CNTN5: variants seen among roughly 807,000 people sequenced by gnomAD.
The protein encoded by CNTN5 is contactin-5.
Under a neutral mutation model 129.1 loss-of-function variants are expected in CNTN5, and 77 were observed. The observed-to-expected ratio is 0.60, with a 90% CI of 0.50 to 0.72. The LOEUF is 0.72. CNTN5 is among the 30% of genes least tolerant of loss of function. The pLI is 0.00. For missense variants in CNTN5, 1,478 were observed against 1,328.8 expected (o/e 1.11, Z -1.75); for synonymous variants, 509 against 465.6 (o/e 1.09, Z -1.20).
At chr11:100,348,596 C>T (rs932698894) in intron 23 of CNTN5, among the ~76,000 whole-genome samples, 2 of 151,914 alleles carry the variant, frequency 1.3e-5, no homozygotes, top group African/African-American at 4.8e-5. Context: ...ATAATCACTC[C>T]CCTGCCAATC....
At chr11:99,729,102 A>G (rs2135083658) in intron 3 of CNTN5, among the ~76,000 whole-genome samples, 1 of 152,314 alleles carries the variant, frequency 6.6e-6, no homozygotes, top group South Asian at 2.1e-4. Flanking sequence ...TCTCTATTGC[A>G]GTAGAAAGAT....
At chr11:99,753,987 C>CA (rs202219500) in intron 3 of CNTN5, among the ~76,000 whole-genome samples, 21,888 of 124,926 alleles carry the variant, frequency 0.18, 1,778 homozygotes, top group South Asian at 0.2. Context: ...GGCACCCTGC[C>CA]AAAAAAAAAA....
chr11:99,237,569 T>C (rs1263533628), intron 1 of CNTN5, among the ~76,000 whole-genome samples: 2 of 151,922 alleles, frequency 1.3e-5, no homozygotes, highest in Admixed American at 6.6e-5. Flanking sequence ...TAGTCCCAGG[T>C]ACTCAGGAGG....
intron 3 of CNTN5, among the ~76,000 whole-genome samples, chr11:99,601,167 A>C (rs1950300493): frequency 6.6e-6 from 1 of 152,154 alleles, no homozygotes; most frequent in Admixed American, 6.5e-5. Flanking sequence ...CTCTCTATAA[A>C]TTATTTCCAA....
At chr11:100,161,081 G>T (rs2138360186) in intron 13 of CNTN5, among the ~76,000 whole-genome samples, 1 of 152,000 alleles carries the variant, frequency 6.6e-6, no homozygotes, top group Admixed American at 6.6e-5. Context: ...TCATGCAATT[G>T]TGTAAAGAAC....
At chr11:99,157,211 G>A (rs553801328) in intron 1 of CNTN5, among the ~76,000 whole-genome samples, 100 of 152,076 alleles carry the variant, frequency 6.6e-4, no homozygotes, top group African/African-American at 2.3e-3. Flanking sequence ...CTTCAAGATA[G>A]AGAAGTATTT....
intron 2 of CNTN5, among the ~76,000 whole-genome samples, chr11:99,325,947 G>T (rs1865771439): frequency 6.6e-6 from 1 of 152,158 alleles, no homozygotes; most frequent in Non-Finnish European, 1.5e-5. Context: ...GGAAGTCATG[G>T]GTGGAGAGAG....
chr11:99,142,434 C>T (rs1859568249), intron 1 of CNTN5, among the ~76,000 whole-genome samples: 1 of 152,066 alleles, frequency 6.6e-6, no homozygotes, highest in African/African-American at 2.4e-5. Context: ...GAGGCCTGAC[C>T]ACATAAGCTC....
chr11:100,007,991 G>A (rs1317047497), intron 9 of CNTN5, among the ~76,000 whole-genome samples: 1 of 151,986 alleles, frequency 6.6e-6, no homozygotes, highest in African/African-American at 2.4e-5. Flanking sequence ...TTGTGTCTCA[G>A]GGAATAAGAA....
chr11:99,343,650 C>G (rs995625046), intron 2 of CNTN5, among the ~76,000 whole-genome samples: 13 of 152,236 alleles, frequency 8.5e-5, no homozygotes, highest in African/African-American at 3.1e-4. Context: ...CTTTTAAATT[C>G]TGCTTAAAGC....
intron 1 of CNTN5, among the ~76,000 whole-genome samples, chr11:99,127,339 T>C (rs1858691566): frequency 6.6e-6 from 1 of 152,218 alleles, no homozygotes; most frequent in Admixed American, 6.5e-5. Flanking sequence ...GCCACAAACC[T>C]GGATGTCATC....
chr11:99,797,346 T>G (rs1335920721), intron 3 of CNTN5, among the ~76,000 whole-genome samples: 3 of 152,176 alleles, frequency 2.0e-5, no homozygotes, highest in Non-Finnish European at 2.9e-5. Context: ...TCACGTTGGC[T>G]GAGCAAATTT....
chr11:99,298,271 C>T (rs977055281), intron 1 of CNTN5, among the ~76,000 whole-genome samples: 5 of 152,160 alleles, frequency 3.3e-5, no homozygotes, highest in African/African-American at 1.2e-4. Context: ...CACAGAGACT[C>T]CAGGGGTGCC....
intron 1 of CNTN5, among the ~76,000 whole-genome samples, chr11:99,306,433 T>A (rs566093976): frequency 1.2e-4 from 18 of 152,228 alleles, no homozygotes; most frequent in African/African-American, 4.3e-4. Flanking sequence ...AAGGTAAATA[T>A]GAGATATGTA....
chr11:99,686,829 G>A (rs544299476), intron 3 of CNTN5, among the ~76,000 whole-genome samples: 1 of 152,262 alleles, frequency 6.6e-6, no homozygotes, highest in Admixed American at 6.5e-5. Flanking sequence ...AGAGGACACA[G>A]CTCATTGGTT....
At chr11:99,810,549 G>C (rs1268528719) in intron 3 of CNTN5, among the ~76,000 whole-genome samples, 1 of 152,112 alleles carries the variant, frequency 6.6e-6, no homozygotes, top group East Asian at 1.9e-4. Context: ...AAAGTGCTGA[G>C]TTGAGACATA....
At chr11:99,861,682 G>A (rs1441148176) in intron 6 of CNTN5, among the ~76,000 whole-genome samples, 1 of 152,148 alleles carries the variant, frequency 6.6e-6, no homozygotes, top group African/African-American at 2.4e-5. Context: ...GGAACATCAA[G>A]ACTGTGGAAG....
intron 2 of CNTN5, among the ~76,000 whole-genome samples, chr11:99,388,116 T>A (rs1565541260): frequency 6.6e-6 from 1 of 152,120 alleles, no homozygotes; most frequent in African/African-American, 2.4e-5. Context: ...GGTTTGGTTT[T>A]TTGAAAGATG....
intron 1 of CNTN5, among the ~76,000 whole-genome samples, chr11:99,072,486 T>A (rs975211972): frequency 2.0e-5 from 3 of 152,070 alleles, no homozygotes; most frequent in Admixed American, 2.0e-4. Flanking sequence ...TTGAAGGACA[T>A]AATACATATT....
Sources: gnomAD v4.1 joint callset for allele counts (sites outside exome capture counted in the v4.1 genomes callset) on GRCh38, gnomAD v4.1.1 for gene constraint, MANE v1.5 for transcripts, NCBI Gene and HGNC (gene_info 2026-07-23, HGNC 2026-07-21) for gene names.